AP2A1: variants seen among roughly 807,000 people sequenced by gnomAD.
The protein encoded by AP2A1 is AP-2 complex subunit alpha-1.
Under a neutral mutation model 107.3 loss-of-function variants are expected in AP2A1, and 21 were observed. That is an observed-to-expected ratio of 0.20 (90% CI 0.14 to 0.28). AP2A1 has a LOEUF of 0.28. Among genes scored for constraint, AP2A1 ranks in the 10% least tolerant of loss-of-function variants. AP2A1 has a pLI of 1.00. For missense variants in AP2A1, 873 were observed against 1,307.7 expected, an observed-to-expected ratio of 0.67 and a Z score of 5.13; for synonymous variants, 602 against 564.8, an observed-to-expected ratio of 1.07 and a Z score of -0.93.
intron 5 of AP2A1, 110 bp from the exon 6 acceptor site, chr19:49,792,881 C>T (rs1309669095): frequency 7.3e-6 from 7 of 957,456 alleles, no homozygotes; most frequent in African/African-American, 1.6e-5. Flanking sequence ...CACCCCTAAA[C>T]CCCATCTTCC....
intron 15 of AP2A1, 63 bp from the exon 16 acceptor site, chr19:49,802,886 G>A (rs913233003): frequency 5.2e-6 from 8 of 1,547,350 alleles, no homozygotes; most frequent in African/African-American, 4.1e-5. Context: ...GCACTCAATC[G>A]CTCTGGGCCT....
At chr19:49,767,238 A>AG (rs2084511850) in intron 1 of AP2A1, 38 bp downstream of exon 1, 6 of 1,531,604 alleles carry the variant, frequency 3.9e-6, no homozygotes, top group African/African-American at 1.4e-5. Flanking sequence ...GACGCGGGGG[A>AG]GGGGGGAGCG....
At position 49,799,767 on chromosome 19, in the gene AP2A1, G is replaced by A; in HGVS notation, c.1272+1G>A. 6.2e-7 allele frequency: 1 copy of A among 1,612,738 alleles called. No individual in the cohort carries two copies. Among genetic ancestry groups the A allele is most frequent in the Non-Finnish European group, 8.5e-7 (1 of 1,179,586 alleles). ...AGACTACGCCATCCGCGAGGAGATC[G>A]TGAGTGCTGTGGGGTGCGGGCTGGA... On this transcript the variant is annotated splice_donor_variant, in intron 10 of 22. Coordinates refer to ENST00000354293, the MANE Select transcript of AP2A1 (RefSeq NM_130787.3). LOFTEE classifies it high-confidence loss of function.
At chr19:49,772,168 C>T (rs2084565621) in intron 1 of AP2A1, among the ~76,000 whole-genome samples, 4 of 151,928 alleles carry the variant, frequency 2.6e-5, no homozygotes, top group Admixed American at 2.6e-4. Flanking sequence ...AGCTATCCTC[C>T]CGCCTCAGCC....
intron 6 of AP2A1, among the ~76,000 whole-genome samples, chr19:49,795,217 G>A (rs2073197233): frequency 1.3e-5 from 2 of 152,210 alleles, no homozygotes; most frequent in Admixed American, 1.3e-4. Flanking sequence ...ACACAGAAGG[G>A]AACCAGCAGA....
intron 1 of AP2A1, among the ~76,000 whole-genome samples, chr19:49,777,517 C>T (rs567513598): frequency 6.6e-6 from 1 of 151,522 alleles, no homozygotes; most frequent in East Asian, 1.9e-4. Context: ...CGCCTGTAGC[C>T]CCAGCTACTT....
intron 6 of AP2A1, among the ~76,000 whole-genome samples, chr19:49,794,294 C>T (rs991184025): frequency 2.0e-5 from 3 of 151,434 alleles, no homozygotes; most frequent in Admixed American, 6.6e-5. Context: ...TGGTTCACTG[C>T]AGCCTCTGGC....
intron 1 of AP2A1, among the ~76,000 whole-genome samples, chr19:49,778,249 A>G (rs1394357172): frequency 6.6e-6 from 1 of 152,174 alleles, no homozygotes; most frequent in Non-Finnish European, 1.5e-5. Context: ...CCCACCACTC[A>G]CTGAGGCTCT....
At chr19:49,801,342 G>T (rs569944398) in intron 12 of AP2A1, 48 bp from the exon 13 acceptor site, 1 of 1,561,718 alleles carries the variant, frequency 6.4e-7, no homozygotes, top group South Asian at 1.1e-5. Context: ...GGGTTTCTGG[G>T]AGAGGGCAGT....
chr19:49,772,256 T>TTGTTTTG (rs1568573036), intron 1 of AP2A1, among the ~76,000 whole-genome samples: 9 of 105,922 alleles, frequency 8.5e-5, no homozygotes, highest in East Asian at 6.6e-4. Context: ...GTTTTTTTTT[T>TTGTTTTG]TTTTTTTTTT....
At chr19:49,784,727 C>T (rs555412423) in intron 4 of AP2A1, among the ~76,000 whole-genome samples, 110 of 151,748 alleles carry the variant, frequency 7.2e-4, no homozygotes, top group African/African-American at 2.2e-3. Flanking sequence ...AAATATTAGC[C>T]GGGTGGGGTG....
Position 49,800,135 on chromosome 19 carries a change from C to T in AP2A1, c.1440C>T (p.Ala480=). 1 of 1,610,896 alleles carries T rather than the reference C, an allele frequency of 6.2e-7. No individual in the cohort carries two copies. The highest frequency in any genetic ancestry group is 8.5e-7 in the Non-Finnish European group (1 of 1,177,712). The change falls in exon 11 of 23, where the codon GCC becomes GCT. Residue 480 remains alanine, a synonymous_variant. Coordinates refer to ENST00000354293, the MANE Select transcript of AP2A1 (RefSeq NM_130787.3). The part of the protein sequence containing the change: ...TNRDDVQGYA[A]KTVFEALQAP... ...GTGATGACGTCCAGGGCTATGCCGC[C>T]AAGACCGTCTTTGAGGTCAGCATCC...
intron 11 of AP2A1, 103 bp downstream of exon 11, chr19:49,800,253 T>C: frequency 1.5e-6 from 2 of 1,356,120 alleles, no homozygotes; most frequent in East Asian, 5.1e-5. Context: ...CCACCCTCCT[T>C]CTCCTGCACT....
At position 49,806,954 on chromosome 19, in the gene AP2A1, A is replaced by T; in HGVS notation, c.*196A>T. ...GTTTACATTCTGGGGGGTTAGGGGGAGTCCCCCTCCCTCCCTTTCCCCCCC... is the reference window on the plus strand; with the variant it reads ...GTTTACATTCTGGGGGGTTAGGGGGTGTCCCCCTCCCTCCCTTTCCCCCCC... On this transcript the variant is annotated 3_prime_UTR_variant, in exon 23 of 23. Coordinates refer to ENST00000354293, the MANE Select transcript of AP2A1 (RefSeq NM_130787.3). 1.3e-6 allele frequency: 2 copies of T among 1,532,544 alleles called. No individual in the cohort carries two copies. The highest frequency in any genetic ancestry group is 1.7e-6 in the Non-Finnish European group (2 of 1,146,292). The allele number at this position is 1,532,544 out of a possible 1,614,324, so 94.9% of individuals were successfully genotyped here.
Position 49,805,468 on chromosome 19 carries a change from C to A in AP2A1, c.2360C>A (p.Thr787Asn). The A allele has an allele frequency of 1.9e-6, 3 of 1,548,490 alleles. No homozygotes were observed. Among genetic ancestry groups the A allele is most frequent in the Non-Finnish European group, 2.6e-6 (3 of 1,145,570 alleles). The change falls in exon 19 of 23, where the codon ACC (threonine) becomes AAC (asparagine). Residue 787 changes from threonine to asparagine, a missense_variant. Transcript: ENST00000354293. ...TGGCGGGCACAGCTGGCTGTGCAGACCAAGCGCGTGGCGGCGCAGGTGGAC... is the reference window on the plus strand; with the variant it reads ...TGGCGGGCACAGCTGGCTGTGCAGAACAAGCGCGTGGCGGCGCAGGTGGAC... ...GDLQTQLAVQ[T>N]KRVAAQVDGG...
At chr19:49,793,932 G>A (rs919387450) in intron 6 of AP2A1, among the ~76,000 whole-genome samples, 3 of 135,312 alleles carry the variant, frequency 2.2e-5, no homozygotes, top group African/African-American at 8.4e-5. Flanking sequence ...TTTTGAGACG[G>A]AGTCTCGTTC....
intron 1 of AP2A1, among the ~76,000 whole-genome samples, chr19:49,780,218 A>G (rs954563308): frequency 6.6e-6 from 1 of 152,258 alleles, no homozygotes; most frequent in Non-Finnish European, 1.5e-5. Flanking sequence ...GAAGTTCGAC[A>G]GTGGAGAGAA....
intron 6 of AP2A1, 29 bp from the exon 7 acceptor site, chr19:49,795,601 C>T (rs561327244): frequency 8.4e-5 from 103 of 1,223,986 alleles, no homozygotes; most frequent in Middle Eastern, 3.7e-4. Context: ...ACCCCAGCCC[C>T]CAACTTATTT....
At chr19:49,768,934 TG>T (rs2084530321) in intron 1 of AP2A1, among the ~76,000 whole-genome samples, 1 of 152,190 alleles carries the variant, frequency 6.6e-6, no homozygotes, top group South Asian at 2.1e-4. Flanking sequence ...TTCTAGGTAC[TG>T]GGGTGACAAT....
Sources: gnomAD v4.1 joint callset for allele counts (sites outside exome capture counted in the v4.1 genomes callset) on GRCh38, gnomAD v4.1.1 for gene constraint, MANE v1.5 for transcripts, NCBI Gene and HGNC (gene_info 2026-07-23, HGNC 2026-07-21) for gene names.